PLPPR5: variants seen among roughly 807,000 people sequenced by gnomAD.
The protein encoded by PLPPR5 is phospholipid phosphatase-related protein type 5.
A neutral mutation model predicts 33.9 loss-of-function variants in PLPPR5; 16 were observed. That is an observed-to-expected ratio of 0.47 (90% CI 0.32 to 0.72). The LOEUF (loss-of-function observed/expected upper bound fraction) is 0.72, where lower values mean the gene tolerates loss of function less well. PLPPR5 is among the 30% of genes least tolerant of loss of function. PLPPR5 has a pLI of 0.03. For missense variants in PLPPR5, 301 were observed against 406.7 expected, an observed-to-expected ratio of 0.74 and a Z score of 2.23; for synonymous variants, 163 against 150.3, an observed-to-expected ratio of 1.08 and a Z score of -0.62.
At chr1:98,935,615 C>G (rs902008036) in intron 3 of PLPPR5, among the ~76,000 whole-genome samples, 3 of 152,068 alleles carry the variant, frequency 2.0e-5, no homozygotes, top group Non-Finnish European at 4.4e-5. Context: ...AAAATAGCCC[C>G]ACTGAATTAG....
chr1:98,906,109 A>T (rs989407907), intron 5 of PLPPR5, among the ~76,000 whole-genome samples: 11 of 151,712 alleles, frequency 7.3e-5, no homozygotes, highest in African/African-American at 2.7e-4. Context: ...TATACAGTGT[A>T]TGTATATATA....
At chr1:98,999,963 T>C (rs150903814) in intron 1 of PLPPR5, among the ~76,000 whole-genome samples, 1 of 152,336 alleles carries the variant, frequency 6.6e-6, no homozygotes, top group African/African-American at 2.4e-5. Flanking sequence ...GTGAAGATGG[T>C]GATCTAGCTT....
At chr1:98,916,070 C>T (rs1031335979) in intron 4 of PLPPR5, among the ~76,000 whole-genome samples, 5 of 152,234 alleles carry the variant, frequency 3.3e-5, no homozygotes, top group African/African-American at 1.2e-4. Context: ...TTCACAAATG[C>T]TACACTGAAA....
chr1:98,908,316 CA>C (rs939075783), intron 5 of PLPPR5, among the ~76,000 whole-genome samples: 3 of 150,700 alleles, frequency 2.0e-5, no homozygotes, highest in African/African-American at 2.4e-5. Context: ...GTCAAAATGC[CA>C]AAAAAAATTT....
At chr1:98,999,165 A>G (rs1652736523) in intron 1 of PLPPR5, among the ~76,000 whole-genome samples, 1 of 152,194 alleles carries the variant, frequency 6.6e-6, no homozygotes, top group Admixed American at 6.5e-5. Flanking sequence ...CCACTAACAA[A>G]CAAAAGTAGT....
intron 5 of PLPPR5, among the ~76,000 whole-genome samples, chr1:98,911,988 C>T (rs1359314317): frequency 3.3e-5 from 5 of 152,092 alleles, no homozygotes; most frequent in African/African-American, 1.2e-4. Context: ...AGGGTGGTCT[C>T]GAAATCCTGA....
intron 1 of PLPPR5, among the ~76,000 whole-genome samples, chr1:98,974,035 C>T (rs1376451169): frequency 6.6e-6 from 1 of 151,720 alleles, no homozygotes; most frequent in Non-Finnish European, 1.5e-5. Flanking sequence ...TGCTTAAAGC[C>T]GCGGGAAAGC....
intron 3 of PLPPR5, among the ~76,000 whole-genome samples, chr1:98,931,013 T>A (rs148960489): frequency 1.3e-5 from 2 of 152,242 alleles, no homozygotes; most frequent in Non-Finnish European, 2.9e-5. Flanking sequence ...GTTTAAGGCA[T>A]GTTAAGTTAT....
chr1:98,931,072 A>C (rs187747442), intron 3 of PLPPR5, among the ~76,000 whole-genome samples: 383 of 152,230 alleles, frequency 2.5e-3, no homozygotes, highest in Non-Finnish European at 4.1e-3. Flanking sequence ...TTGCACCTCA[A>C]ATCACATCCT....
chr1:98,955,545 G>A (rs923508510), intron 2 of PLPPR5, among the ~76,000 whole-genome samples: 2 of 151,964 alleles, frequency 1.3e-5, no homozygotes, highest in African/African-American at 4.8e-5. Context: ...ATAAATGAGG[G>A]CTTTGGAGAT....
rs869068655 is a variant in PLPPR5 at position 98,991,289 on chromosome 1, AAAG to A, written c.237+13143_237+13145del. 8.8e-4 allele frequency: 134 copies of A among 152,192 alleles called. 1 individual carries two copies. Among genetic ancestry groups the A allele is most frequent in the Middle Eastern group, 6.8e-3 (2 of 294 alleles). 9.4% of individuals were successfully genotyped at this position (152,192 alleles called of 1,614,324 possible). ...GTGTTTTGCCTATTTGAAAAAAAAA[AAAG>A]ATGAATCTACTCTAAGGATGAAACA... On this transcript the variant is annotated intron_variant, in intron 1 of 5. Transcript: ENST00000263177.
chr1:98,943,097 T>C (rs913894757), intron 3 of PLPPR5, among the ~76,000 whole-genome samples: 9 of 152,128 alleles, frequency 5.9e-5, no homozygotes, highest in Non-Finnish European at 5.9e-5. Context: ...TTATAGAACA[T>C]AGCATCCCTT....
At chr1:98,896,325 C>G (rs1268383038) in intron 5 of PLPPR5, among the ~76,000 whole-genome samples, 3 of 152,058 alleles carry the variant, frequency 2.0e-5, no homozygotes, top group Admixed American at 6.6e-5. Context: ...GCCTGTGAGG[C>G]AAAGTAGTTG....
intron 1 of PLPPR5, among the ~76,000 whole-genome samples, chr1:98,968,757 A>G (rs1035995263): frequency 3.9e-5 from 6 of 152,044 alleles, no homozygotes; most frequent in African/African-American, 1.2e-4. Flanking sequence ...AAAGATTCAT[A>G]ATTTCCAGCA....
At chr1:98,952,042 C>T (rs1311859736) in intron 3 of PLPPR5, among the ~76,000 whole-genome samples, 1 of 152,120 alleles carries the variant, frequency 6.6e-6, no homozygotes, top group African/African-American at 2.4e-5. Flanking sequence ...GTGGGCAGAT[C>T]ACTTGAGGTC....
Position 98,972,997 on chromosome 1 carries a change from A to G in PLPPR5, c.238-16256T>C, listed in dbSNP as rs796219687. On this transcript the variant is annotated intron_variant, in intron 1 of 5. Coordinates refer to ENST00000263177, the MANE Select transcript of PLPPR5 (RefSeq NM_001037317.2). ...GCAATCGTTGTGCAATCACGAGGGGAGTCAGCCCAGGGTAGAACAGACACA... is the reference window on the plus strand; with the variant it reads ...GCAATCGTTGTGCAATCACGAGGGGGGTCAGCCCAGGGTAGAACAGACACA... Among the ~76,000 whole-genome samples the G allele has an allele frequency of 5.3e-5, 8 of 152,196 alleles. 1 individual carries two copies. The highest frequency in any genetic ancestry group is 1.7e-4 in the African/African-American group (7 of 41,536).
chr1:98,947,169 T>A (rs1650586948), intron 3 of PLPPR5, among the ~76,000 whole-genome samples: 1 of 152,210 alleles, frequency 6.6e-6, no homozygotes. Context: ...AACAGCCTAA[T>A]CAAATAGTAT....
chr1:98,949,568 T>C (rs982766330), intron 3 of PLPPR5, among the ~76,000 whole-genome samples: 8 of 152,218 alleles, frequency 5.3e-5, no homozygotes, highest in Non-Finnish European at 8.8e-5. Flanking sequence ...ACAGAGGATA[T>C]TGAATATATG....
chr1:98,981,292 T>C (rs1480693220), intron 1 of PLPPR5, among the ~76,000 whole-genome samples: 1 of 152,066 alleles, frequency 6.6e-6, no homozygotes, highest in African/African-American at 2.4e-5. Context: ...TCAGTATCAT[T>C]GTAATACATT....
Sources: allele counts gnomAD v4.1 joint callset (sites outside exome capture counted in the v4.1 genomes callset), GRCh38; gene constraint gnomAD v4.1.1; transcripts MANE v1.5; gene names NCBI Gene and HGNC (gene_info 2026-07-23, HGNC 2026-07-21).